VRK1: variants seen among roughly 807,000 people sequenced by gnomAD.
VRK1 encodes VRK serine/threonine kinase 1, also known as serine/threonine-protein kinase VRK1.
VRK1 carries 33 observed loss-of-function variants against 57.1 expected under a neutral mutation model. The observed-to-expected ratio is 0.58, with a 90% CI of 0.44 to 0.77. The LOEUF is 0.77. VRK1 is among the 30% of genes least tolerant of loss of function. The probability of loss-of-function intolerance (pLI) is 0.00; values close to 1 mark genes in which losing one functional copy is unlikely to be tolerated. For missense variants in VRK1, 413 were observed against 477.3 expected, an observed-to-expected ratio of 0.87 and a Z score of 1.25; for synonymous variants, 137 against 147.8, an observed-to-expected ratio of 0.93 and a Z score of 0.53.
chr14:96,817,712 A>G (rs1414585840), intron 1 of VRK1, among the ~76,000 whole-genome samples: 3 of 152,198 alleles, frequency 2.0e-5, no homozygotes, highest in Non-Finnish European at 2.9e-5. Flanking sequence ...TTGCTCACTA[A>G]TTTTGCTCCC....
intron 1 of VRK1, among the ~76,000 whole-genome samples, chr14:96,821,328 G>C (rs1886587998): frequency 6.6e-6 from 1 of 152,138 alleles, no homozygotes; most frequent in South Asian, 2.1e-4. Context: ...AGAAAGTCTA[G>C]AGTAAGAGAT....
At chr14:96,851,189 G>A (rs548353234) in intron 5 of VRK1, among the ~76,000 whole-genome samples, 70 of 151,620 alleles carry the variant, frequency 4.6e-4, no homozygotes, top group African/African-American at 1.5e-3. Flanking sequence ...TCGTGCAGCT[G>A]GAGTGCAGTG....
intron 3 of VRK1, among the ~76,000 whole-genome samples, chr14:96,840,143 T>A (rs1199148749): frequency 1.3e-5 from 2 of 152,166 alleles, no homozygotes; most frequent in Admixed American, 1.3e-4. Flanking sequence ...CTCTGTTTGG[T>A]CTTCCCCCTT....
chr14:96,853,794 T>G (rs546887116), intron 7 of VRK1, among the ~76,000 whole-genome samples: 1 of 152,248 alleles, frequency 6.6e-6, no homozygotes, highest in East Asian at 1.9e-4. Context: ...GTTTCTGTGA[T>G]TTCGGTGAAA....
chr14:96,881,285 A>G lies in VRK1; in HGVS notation c.*77A>G, dbSNP rs562081641. On this transcript the variant is annotated 3_prime_UTR_variant, in exon 13 of 13. Transcript: ENST00000216639. ...TCTCCTTTTCTATTTGAACTGTTTT[A>G]TTTTCCTGTGAGTCTTGCGAGGTGG... 5 of 1,371,502 alleles carry G rather than the reference A, an allele frequency of 3.6e-6. No individual in the cohort carries two copies. The highest frequency in any genetic ancestry group is 4.9e-5 in the East Asian group (2 of 40,750). The allele number at this position is 1,371,502 out of a possible 1,614,324, so 85.0% of individuals were successfully genotyped here.
chr14:96,819,634 T>C (rs1886523922), intron 1 of VRK1, among the ~76,000 whole-genome samples: 1 of 152,216 alleles, frequency 6.6e-6, no homozygotes, highest in Non-Finnish European at 1.5e-5. Flanking sequence ...TTTTTGCCAA[T>C]GAGAAGTAAG....
At chr14:96,803,244 T>C (rs1056156203) in intron 1 of VRK1, among the ~76,000 whole-genome samples, 10 of 150,746 alleles carry the variant, frequency 6.6e-5, no homozygotes, top group African/African-American at 2.2e-4. Flanking sequence ...TGATCTCAGC[T>C]CACTGCAACC....
chr14:96,838,932 A>T (rs1887336903), intron 3 of VRK1, among the ~76,000 whole-genome samples: 1 of 152,122 alleles, frequency 6.6e-6, no homozygotes, highest in Non-Finnish European at 1.5e-5. Context: ...TATAAAATGA[A>T]CAGTTTGAAG....
At chr14:96,837,709 T>A in intron 2 of VRK1, 53 bp from the exon 3 acceptor site, 4 of 1,129,636 alleles carry the variant, frequency 3.5e-6, no homozygotes, top group Non-Finnish European at 3.7e-6. Context: ...TAAATATTAA[T>A]ATATTTATAA....
intron 2 of VRK1, 149 bp downstream of exon 2, chr14:96,833,780 C>A: frequency 1.8e-6 from 2 of 1,138,818 alleles, no homozygotes; most frequent in South Asian, 1.4e-5. Flanking sequence ...GCATCTCTGA[C>A]GTAGGAGTGG....
intron 1 of VRK1, among the ~76,000 whole-genome samples, chr14:96,804,668 A>G (rs780127718): frequency 6.6e-6 from 1 of 152,238 alleles, no homozygotes; most frequent in Non-Finnish European, 1.5e-5. Context: ...AAATGGTATG[A>G]TAGAAATGGT....
chr14:96,852,095 A>G (rs372302844), intron 5 of VRK1, among the ~76,000 whole-genome samples: 20 of 152,348 alleles, frequency 1.3e-4, no homozygotes, highest in African/African-American at 4.6e-4. Flanking sequence ...TTTTCTGTAC[A>G]TACTGAAATA....
chr14:96,807,415 C>T (rs138543729), intron 1 of VRK1, among the ~76,000 whole-genome samples: 5 of 152,324 alleles, frequency 3.3e-5, no homozygotes, highest in African/African-American at 4.8e-5. Flanking sequence ...CCTTACATGG[C>T]ATGGTTTCAT....
intron 3 of VRK1, among the ~76,000 whole-genome samples, chr14:96,842,813 A>G (rs1022691697): frequency 1.3e-5 from 2 of 152,212 alleles, no homozygotes; most frequent in African/African-American, 4.8e-5. Flanking sequence ...AATCTGGCAC[A>G]CAGAGCACCT....
rs116006434 is a variant in VRK1 at position 96,834,530 on chromosome 14, C to T, written c.160+899C>T. On this transcript the variant is annotated intron_variant, in intron 2 of 12. Coordinates refer to ENST00000216639, the MANE Select transcript of VRK1 (RefSeq NM_003384.3). Reference sequence around the variant, plus strand: ...GATGCATGTTGAAGTTTGAGAACCACTGGTTGGTAAAAGATCACTGGTCTT... The same window carrying T: ...GATGCATGTTGAAGTTTGAGAACCATTGGTTGGTAAAAGATCACTGGTCTT... Among the ~76,000 whole-genome samples the T allele has an allele frequency of 7.8e-3, 1,192 of 152,286 alleles. 19 individuals carry two copies. The highest frequency in any genetic ancestry group is 0.027 in the African/African-American group (1,130 of 41,564).
chr14:96,817,781 T>TA (rs1359504600), intron 1 of VRK1, among the ~76,000 whole-genome samples: 24 of 152,224 alleles, frequency 1.6e-4, no homozygotes, highest in African/African-American at 5.8e-4. Context: ...AAGTGTTATG[T>TA]AAAAGTATTA....
intron 4 of VRK1, among the ~76,000 whole-genome samples, chr14:96,846,928 G>A (rs1887723570): frequency 6.6e-6 from 1 of 151,892 alleles, no homozygotes; most frequent in Non-Finnish European, 1.5e-5. Context: ...CTGGATTTTG[G>A]TGTCTTGAGG....
intron 1 of VRK1, among the ~76,000 whole-genome samples, chr14:96,801,353 A>T (rs1311111111): frequency 6.6e-6 from 1 of 152,220 alleles, no homozygotes; most frequent in African/African-American, 2.4e-5. Flanking sequence ...GTATTAGTGC[A>T]TTGTGATTGC....
chr14:96,808,028 T>TCTCTCC (rs1566683662), intron 1 of VRK1, among the ~76,000 whole-genome samples: 2 of 83,576 alleles, frequency 2.4e-5, no homozygotes, highest in Non-Finnish European at 4.8e-5. Context: ...TGTGTGTGTG[T>TCTCTCC]GTGTGTGTGT....
Sources: gnomAD v4.1 joint callset for allele counts (sites outside exome capture counted in the v4.1 genomes callset) on GRCh38, gnomAD v4.1.1 for gene constraint, MANE v1.5 for transcripts, NCBI Gene and HGNC (gene_info 2026-07-23, HGNC 2026-07-21) for gene names.